Variants in OR56A3 observed in about 807,000 individuals in gnomAD.
OR56A3 encodes the protein olfactory receptor family 56 subfamily A member 3.
A neutral mutation model predicts 17.5 loss-of-function variants in OR56A3; 23 were observed. The observed-to-expected ratio is 1.32, with a 90% confidence interval of 0.95 to 1.87. The LOEUF is 1.87. OR56A3 is among the 40% of genes most tolerant of loss of function. OR56A3 has a pLI of 0.00. For synonymous variants in OR56A3, 175 were observed against 150.6 expected (o/e 1.16, Z -1.19); for missense variants, 366 against 380.1 (o/e 0.96, Z 0.31).
At chr11:5,964,813 T>C in the OR56A3 span, among the ~76,000 whole-genome samples, 2,071 of 152,262 alleles carry the variant, frequency 0.014, 53 homozygotes, top group African/African-American at 0.047. Flanking sequence ...TGGCCCAGGA[T>C]TGAGGTCCAA....
intron 1 of OR56A3, chr11:5,943,584 T>G (rs1025528639): frequency 2.0e-5 from 3 of 151,108 alleles, no homozygotes; most frequent in Non-Finnish European, 2.9e-5. Flanking sequence ...TTTCTGAAGT[T>G]TAAGTCCCCT....
chr11:5,967,250 T>A, the OR56A3 span: 2 of 287,680 alleles, frequency 7.0e-6, no homozygotes, highest in African/African-American at 2.2e-5. Flanking sequence ...ATTATATTTA[T>A]CCTTTGTTTG....
rs1454304876 is a variant in OR56A3 at position 5,948,346 on chromosome 11, T to C, written c.*52T>C. ...TAAAATAAGATAATTTATTAATCAC[T>C]TAATGAGTGAGTGGGCTGAAATTCA... On this transcript the variant is annotated 3_prime_UTR_variant, in exon 3 of 3. Coordinates refer to ENST00000641160, the MANE Select transcript of OR56A3 (RefSeq NM_001003443.3). The C allele has an allele frequency of 7.9e-7, 1 of 1,268,884 alleles. No homozygotes were observed. Among genetic ancestry groups the C allele is most frequent in the South Asian group, 1.4e-5 (1 of 73,756 alleles). 78.6% of individuals were successfully genotyped at this position (1,268,884 alleles called of 1,614,324 possible).
chr11:6,004,862 AT>A, the OR56A3 span, among the ~76,000 whole-genome samples: 14 of 152,216 alleles, frequency 9.2e-5, no homozygotes, highest in African/African-American at 3.1e-4. Flanking sequence ...CCTCGTCAGA[AT>A]GCTAAAGACA....
At chr11:5,947,206 C>G (rs1847875083) in intron 2 of OR56A3, 105 bp from the exon 3 acceptor site, 1 of 727,170 alleles carries the variant, frequency 1.4e-6, no homozygotes. Context: ...ATTCGCTTGG[C>G]TCTACATAAC....
At chr11:5,991,215 C>T in the OR56A3 span, among the ~76,000 whole-genome samples, 5 of 152,164 alleles carry the variant, frequency 3.3e-5, no homozygotes, top group East Asian at 1.9e-4. Context: ...TATCTACATA[C>T]GCAATACATA....
chr11:5,987,057 G>A, the OR56A3 span: 1 of 818,268 alleles, frequency 1.2e-6, no homozygotes, highest in Non-Finnish European at 1.9e-6. Context: ...AATCTCCTTT[G>A]GTGGAGATAA....
At chr11:5,991,184 G>T in the OR56A3 span, among the ~76,000 whole-genome samples, 1 of 152,206 alleles carries the variant, frequency 6.6e-6, no homozygotes, top group African/African-American at 2.4e-5. Flanking sequence ...CAAGACTTGA[G>T]TAAAGGTAGC....
At chr11:6,018,040 GTATA>G in the OR56A3 span, among the ~76,000 whole-genome samples, 206 of 20,864 alleles carry the variant, frequency 9.9e-3, no homozygotes, top group East Asian at 0.054. Flanking sequence ...GTGTGTGTGT[GTATA>G]TATATATATA....
At chr11:5,999,576 A>T in the OR56A3 span, 1 of 151,950 alleles carries the variant, frequency 6.6e-6, no homozygotes, top group African/African-American at 2.4e-5. Context: ...GGTCTTCACT[A>T]TATAAAGGTT....
the OR56A3 span, among the ~76,000 whole-genome samples, chr11:6,015,961 G>T: frequency 6.6e-6 from 1 of 152,264 alleles, no homozygotes; most frequent in African/African-American, 2.4e-5. Context: ...CATGAGATTT[G>T]CAAGGGGCCA....
the OR56A3 span, among the ~76,000 whole-genome samples, chr11:5,961,396 T>C: frequency 6.6e-6 from 1 of 152,224 alleles, no homozygotes; most frequent in African/African-American, 2.4e-5. Context: ...CATTTTGTTC[T>C]GTACTAGGAA....
At chr11:6,017,860 G>A in the OR56A3 span, among the ~76,000 whole-genome samples, 4 of 152,132 alleles carry the variant, frequency 2.6e-5, no homozygotes, top group East Asian at 3.8e-4. Context: ...AAAGTGGAGA[G>A]ATAGAAAAAG....
At chr11:5,985,930 A>G in the OR56A3 span, 329 of 1,591,810 alleles carry the variant, frequency 2.1e-4, no homozygotes, top group African/African-American at 3.9e-3. Context: ...AACAATGAGA[A>G]TATGTTCAGA....
chr11:5,973,960 C>G, the OR56A3 span, among the ~76,000 whole-genome samples: 3 of 152,202 alleles, frequency 2.0e-5, no homozygotes, highest in Admixed American at 2.0e-4. Flanking sequence ...AGCTCCAGTG[C>G]TTACTAAGTT....
At chr11:5,967,376 C>T in the OR56A3 span, among the ~76,000 whole-genome samples, 1 of 152,172 alleles carries the variant, frequency 6.6e-6, no homozygotes, top group South Asian at 2.1e-4. Context: ...AGATTCCAGT[C>T]AGTGAAACAG....
the OR56A3 span, chr11:5,994,051 A>G: frequency 2.1e-6 from 1 of 475,880 alleles, no homozygotes; most frequent in Admixed American, 2.3e-5. Flanking sequence ...CTCAGCCTCC[A>G]GCTTGACCTT....
the OR56A3 span, among the ~76,000 whole-genome samples, chr11:5,988,645 A>G: frequency 5.3e-5 from 8 of 151,938 alleles, no homozygotes; most frequent in African/African-American, 1.9e-4. Flanking sequence ...ATTAGACCAC[A>G]GGCTTCTTTC....
the OR56A3 span, among the ~76,000 whole-genome samples, chr11:5,998,056 G>T: frequency 6.6e-6 from 1 of 152,194 alleles, no homozygotes; most frequent in Non-Finnish European, 1.5e-5. Flanking sequence ...TGGAGAGGAT[G>T]CTGAGACACA....
Sources: gnomAD v4.1 joint callset for allele counts (sites outside exome capture counted in the v4.1 genomes callset) on GRCh38, gnomAD v4.1.1 for gene constraint, MANE v1.5 for transcripts, NCBI Gene and HGNC (gene_info 2026-07-23, HGNC 2026-07-21) for gene names.